TAFA5: variants seen among roughly 807,000 people sequenced by gnomAD.
TAFA5 encodes TAFA chemokine like family member 5, also known as chemokine-like protein TAFA-5.
In TAFA5, 6 loss-of-function variants were observed where a neutral mutation model predicts 15.3. That is an observed-to-expected ratio of 0.39 (90% CI 0.21 to 0.77). The LOEUF is 0.77. Ranked by LOEUF, TAFA5 falls within the 30% of genes least tolerant of loss-of-function variation. The probability of loss-of-function intolerance (pLI) is 0.41; values close to 1 mark genes in which losing one functional copy is unlikely to be tolerated. For synonymous variants in TAFA5, 103 were observed against 80.7 expected, an observed-to-expected ratio of 1.28 and a Z score of -1.48; for missense variants, 161 against 193.1, an observed-to-expected ratio of 0.83 and a Z score of 0.98.
chr22:48,676,165 T>A (rs1448521393), intron 2 of TAFA5, among the ~76,000 whole-genome samples: 1 of 152,228 alleles, frequency 6.6e-6, no homozygotes, highest in African/African-American at 2.4e-5. Context: ...GTCCCCAGCC[T>A]GCCCAGTCAA....
chr22:48,603,223 G>T (rs955603912), intron 1 of TAFA5, among the ~76,000 whole-genome samples: 2 of 152,188 alleles, frequency 1.3e-5, no homozygotes, highest in Admixed American at 1.3e-4. Flanking sequence ...ATACCCATGC[G>T]CACTGCCTGT....
At chr22:48,604,377 C>G (rs1001190464) in intron 1 of TAFA5, among the ~76,000 whole-genome samples, 1 of 152,228 alleles carries the variant, frequency 6.6e-6, no homozygotes, top group Non-Finnish European at 1.5e-5. Flanking sequence ...GCAGATTCCA[C>G]GGTGTTTTCT....
intron 2 of TAFA5, chr22:48,693,201 C>G (rs546922622): frequency 8.2e-7 from 1 of 1,224,650 alleles, no homozygotes; most frequent in East Asian, 2.6e-5. Flanking sequence ...GCCTCAGTGA[C>G]GGGGCCTCAC....
At chr22:48,643,929 G>T (rs1176217524) in intron 1 of TAFA5, among the ~76,000 whole-genome samples, 1 of 152,220 alleles carries the variant, frequency 6.6e-6, no homozygotes, top group Non-Finnish European at 1.5e-5. Context: ...CACAGCAGCT[G>T]GGGACCATCC....
At chr22:48,658,954 G>A (rs952615022) in intron 2 of TAFA5, among the ~76,000 whole-genome samples, 3 of 152,212 alleles carry the variant, frequency 2.0e-5, no homozygotes, top group South Asian at 2.1e-4. Context: ...CAAAGAGGTC[G>A]TGTAAGAGGA....
chr22:48,545,362 A>T (rs548961758), intron 1 of TAFA5: 64 of 207,622 alleles, frequency 3.1e-4, no homozygotes, highest in Non-Finnish European at 5.3e-4. Context: ...TGTGATTGCA[A>T]TTATTTGGCT....
chr22:48,569,748 G>T (rs562087290), intron 1 of TAFA5, among the ~76,000 whole-genome samples: 4 of 152,186 alleles, frequency 2.6e-5, no homozygotes, highest in Admixed American at 6.5e-5. Flanking sequence ...GTGGCCTCCC[G>T]CAGGCCTTGC....
intron 1 of TAFA5, chr22:48,545,598 G>T (rs1032601278): frequency 3.3e-5 from 5 of 152,862 alleles, no homozygotes; most frequent in African/African-American, 1.2e-4. Context: ...TGGGGCTGCC[G>T]CTGTTTTCAG....
intron 1 of TAFA5, among the ~76,000 whole-genome samples, chr22:48,624,305 C>T (rs1925951988): frequency 2.0e-5 from 3 of 152,302 alleles, no homozygotes; most frequent in Admixed American, 1.3e-4. Flanking sequence ...GCCTTGAGCA[C>T]CTGCCTGGGG....
At chr22:48,700,930 C>T (rs1447311515) in intron 2 of TAFA5, among the ~76,000 whole-genome samples, 1 of 152,200 alleles carries the variant, frequency 6.6e-6, no homozygotes, top group East Asian at 1.9e-4. Flanking sequence ...GCCATCTGCC[C>T]AGCCCTACTT....
chr22:48,571,697 C>T (rs1419019944), intron 1 of TAFA5, among the ~76,000 whole-genome samples: 1 of 141,560 alleles, frequency 7.1e-6, no homozygotes, highest in Non-Finnish European at 1.5e-5. Flanking sequence ...TAAGTCTCTA[C>T]AATCTGAAGA....
intron 1 of TAFA5, among the ~76,000 whole-genome samples, chr22:48,542,599 A>ATGTGTGTGTGG (rs1204430333): frequency 2.4e-5 from 1 of 41,670 alleles, no homozygotes; most frequent in Non-Finnish European, 4.7e-5. Context: ...TGTGGTGTGT[A>ATGTGTGTGTGG]TGTGTGTGTG....
In TAFA5 at chr22:48,699,584, G is replaced by A. The variant is rs141176734; in HGVS notation, c.263-8133G>A. Among the ~76,000 whole-genome samples the A allele has an allele frequency of 2.6e-4, 40 of 152,150 alleles. No homozygotes were observed. In the East Asian group the frequency reaches 5.4e-3, roughly 21 times the overall value. On this transcript the variant is annotated intron_variant, in intron 2 of 3. Coordinates refer to ENST00000402357, the MANE Select transcript of TAFA5 (RefSeq NM_001082967.3). ...ACTTAAGGACGTGTCGCATGAAGGC[G>A]TCTTAATAATCACGTGGCTTTGTTT...
chr22:48,655,795 G>A (rs907845703), intron 2 of TAFA5, among the ~76,000 whole-genome samples: 2 of 151,024 alleles, frequency 1.3e-5, no homozygotes, highest in Middle Eastern at 3.4e-3. Context: ...TTGAAGGCAC[G>A]GTCCTGCCTG....
At chr22:48,593,154 GCCATCACTCTTTC>G (rs1166582860) in intron 1 of TAFA5, among the ~76,000 whole-genome samples, 1 of 152,166 alleles carries the variant, frequency 6.6e-6, no homozygotes, top group East Asian at 1.9e-4. Context: ...CCTGGGAGAC[GCCATCACTCTTTC>G]CCAGCTTGAC....
chr22:48,729,398 ATAAATATATT>A (rs1433606558), intron 3 of TAFA5, among the ~76,000 whole-genome samples: 1 of 127,958 alleles, frequency 7.8e-6, no homozygotes, highest in Non-Finnish European at 1.8e-5. Flanking sequence ...TATAATAGTC[ATAAATATATT>A]TATATTATAA....
At chr22:48,576,581 C>A (rs754682521) in intron 1 of TAFA5, 1 of 1,451,592 alleles carries the variant, frequency 6.9e-7, no homozygotes, top group Admixed American at 2.2e-5. Flanking sequence ...GGTAATTGTC[C>A]CCGGGCGCGC....
intron 2 of TAFA5, among the ~76,000 whole-genome samples, chr22:48,704,144 T>C (rs1464321627): frequency 6.6e-6 from 1 of 152,072 alleles, no homozygotes; most frequent in Non-Finnish European, 1.5e-5. Context: ...CTGGAGCCTC[T>C]TCCTTTCATG....
In TAFA5 at chr22:48,741,092, G is replaced by A. The variant is rs143286397; in HGVS notation, c.391-8747G>A. Among the ~76,000 whole-genome samples, 24 of 152,316 alleles carry A rather than the reference G, an allele frequency of 1.6e-4. No homozygotes were observed. In the East Asian group the frequency reaches 4.5e-3, roughly 28 times the overall value. On this transcript the variant is annotated intron_variant, in intron 3 of 3. Coordinates refer to ENST00000402357, the MANE Select transcript of TAFA5 (RefSeq NM_001082967.3). ...AGCGCTGTTGTGTTGGACTCTGGGT[G>A]TTCCCACCACCCTGGCTGTGGTCCT...
Sources: gnomAD v4.1 joint callset for allele counts (sites outside exome capture counted in the v4.1 genomes callset) on GRCh38, gnomAD v4.1.1 for gene constraint, MANE v1.5 for transcripts, NCBI Gene and HGNC (gene_info 2026-07-23, HGNC 2026-07-21) for gene names.